The following PATJ variants were observed in gnomAD, a reference collection of about 807,000 sequenced individuals.
PATJ encodes the protein PATJ crumbs cell polarity complex component, also known as inaD-like protein.
PATJ carries 190 observed loss-of-function variants against 224.9 expected under a neutral mutation model. That is an observed-to-expected ratio of 0.84 (90% confidence interval 0.75 to 0.95). The LOEUF is 0.95. Ranked by LOEUF, PATJ falls within the 40% of genes least tolerant of loss-of-function variation. PATJ has a pLI of 0.00. For missense variants in PATJ, 2,121 were observed against 2,270.3 expected, an observed-to-expected ratio of 0.93 and a Z score of 1.34; for synonymous variants, 769 against 820.3, an observed-to-expected ratio of 0.94 and a Z score of 1.07.
chr1:62,108,780 C>G (rs917687291), intron 34 of PATJ, among the ~76,000 whole-genome samples: 22 of 152,198 alleles, frequency 1.4e-4, no homozygotes, highest in African/African-American at 5.3e-4. Flanking sequence ...ATTTTAATAT[C>G]AAATGAGACT....
intron 27 of PATJ, chr1:61,952,295 T>C (rs924573976): frequency 4.1e-5 from 17 of 413,496 alleles, no homozygotes; most frequent in Middle Eastern, 8.1e-4. Context: ...AGGCCCAAGG[T>C]CGTCAGAAGA....
chr1:62,102,820 A>G (rs1047490637), intron 33 of PATJ, among the ~76,000 whole-genome samples: 2 of 143,114 alleles, frequency 1.4e-5, no homozygotes, highest in East Asian at 4.2e-4. Flanking sequence ...AGATCATGCC[A>G]CTGCACTCCA....
At chr1:61,832,983 A>G (rs1231423779) in intron 16 of PATJ, among the ~76,000 whole-genome samples, 1 of 152,154 alleles carries the variant, frequency 6.6e-6, no homozygotes, top group East Asian at 1.9e-4. Flanking sequence ...TTCAGGAGTA[A>G]AATCAAGAAA....
intron 17 of PATJ, among the ~76,000 whole-genome samples, chr1:61,852,311 G>A (rs1171127821): frequency 2.6e-5 from 4 of 152,038 alleles, no homozygotes; most frequent in Non-Finnish European, 5.9e-5. Context: ...GGTCTCTGGT[G>A]CCCTCTATTG....
intron 26 of PATJ, among the ~76,000 whole-genome samples, chr1:61,926,354 A>C (rs1336852335): frequency 1.3e-5 from 2 of 152,208 alleles, no homozygotes; most frequent in African/African-American, 2.4e-5. Flanking sequence ...TATCAGTAGA[A>C]GCTAAATAAA....
At chr1:61,793,074 C>T (rs1056582817) in intron 9 of PATJ, among the ~76,000 whole-genome samples, 1 of 151,634 alleles carries the variant, frequency 6.6e-6, no homozygotes, top group African/African-American at 2.4e-5. Context: ...TTATTATTAT[C>T]ATTTTTTTTC....
chr1:62,010,061 G>GACA (rs1569990954), intron 28 of PATJ, among the ~76,000 whole-genome samples: 3 of 144,578 alleles, frequency 2.1e-5, no homozygotes, highest in East Asian at 4.0e-4. Flanking sequence ...CCAGCCTGGG[G>GACA]GAGTGAGACT....
rs966804539 is a variant in PATJ at position 62,117,204 on chromosome 1, T to C, written c.4876T>C (p.Ser1626Pro). The change falls in exon 37 of 44, where the codon TCA (serine) becomes CCA (proline). Residue 1626 changes from serine (S) to proline (P), a missense_variant. By Grantham distance (74) the Ser-to-Pro change is moderately conservative. Transcript: ENST00000642238. Reference sequence around the variant, plus strand: ...TTCCTGGACCTCCGCAAGGACGACATCACAGAACAGTCAGGTTGTCGATGG... The same window carrying C: ...TTCCTGGACCTCCGCAAGGACGACACCACAGAACAGTCAGGTTGTCGATGG... The part of the protein sequence containing the change: ...AGSWTSARTT[S>P]QNSQGSQQSA... The C allele has an allele frequency of 1.2e-5, 19 of 1,614,010 alleles. No individual in the cohort carries two copies. The highest frequency in any genetic ancestry group is 1.4e-5 in the Non-Finnish European group (17 of 1,179,998).
In PATJ at chr1:62,062,392, C is replaced by CTTTTTTTTTTTTTTTTTTTTTTT. The variant is rs60747316; in HGVS notation, c.4125+11339_4125+11361dup. 7.7e-4 allele frequency among the ~76,000 whole-genome samples: 22 copies of CTTTTTTTTTTTTTTTTTTTTTTT among 28,480 alleles called. 2 individuals carry two copies. Among genetic ancestry groups the CTTTTTTTTTTTTTTTTTTTTTTT allele is most frequent in the Non-Finnish European group, 1.0e-3 (17 of 16,966 alleles). The allele number at this position is 28,480 out of a possible 152,430, so 18.7% of individuals were successfully genotyped here. On this transcript the variant is annotated intron_variant, in intron 31 of 43. Coordinates refer to ENST00000642238, the MANE Select transcript of PATJ (RefSeq NM_001350145.3). The stretch of plus-strand genomic sequence containing the variant: ...TGGTTGGCTGCTTCTATGTTGTCTT[C>CTTTTTTTTTTTTTTTTTTTTTTT]TTTTTTTTTTTTTTTTTTTTTTTTT...
intron 40 of PATJ, 54 bp downstream of exon 40, chr1:62,128,148 A>G: frequency 6.2e-7 from 1 of 1,608,976 alleles, no homozygotes. Context: ...GTGGGAGAGG[A>G]AGTTGCAGCC....
At chr1:61,794,289 G>T (rs984925802) in intron 9 of PATJ, among the ~76,000 whole-genome samples, 2 of 151,698 alleles carry the variant, frequency 1.3e-5, no homozygotes, top group Non-Finnish European at 2.9e-5. Context: ...GGAATTACAG[G>T]CATGCGCCAT....
chr1:62,134,842 A>G (rs935991916), intron 41 of PATJ, among the ~76,000 whole-genome samples: 2 of 152,074 alleles, frequency 1.3e-5, no homozygotes, highest in African/African-American at 2.4e-5. Flanking sequence ...AGCCATTCCA[A>G]TCAAGCTGAA....
chr1:61,759,268 ATCC>A (rs1162796632), intron 1 of PATJ, among the ~76,000 whole-genome samples: 16 of 152,200 alleles, frequency 1.1e-4, no homozygotes, highest in African/African-American at 3.9e-4. Flanking sequence ...GGCCCAAACA[ATCC>A]TCCTCTTCCA....
At position 61,925,057 on chromosome 1, in the gene PATJ, G is replaced by A. The variant is rs1471324490; in HGVS notation, c.3571-2673G>A. Among the ~76,000 whole-genome samples the A allele has an allele frequency of 1.6e-4, 3 of 18,382 alleles. 1 individual carries two copies. The highest frequency in any genetic ancestry group is 2.3e-4 in the Non-Finnish European group (3 of 12,794). The allele number at this position is 18,382 out of a possible 152,430, so 12.1% of individuals were successfully genotyped here. On this transcript the variant is annotated intron_variant, in intron 26 of 43. Coordinates refer to ENST00000642238, the MANE Select transcript of PATJ (RefSeq NM_001350145.3). ...CTACTAAAAATACAAAAAGTTAGCC[G>A]GGCGTAGTGGCGGGCGCCTGTGGTC...
chr1:61,754,622 A>G (rs970640963), intron 1 of PATJ, among the ~76,000 whole-genome samples: 3 of 149,532 alleles, frequency 2.0e-5, no homozygotes, highest in Admixed American at 6.8e-5. Context: ...TGGGCCTTTC[A>G]AAGTCCTGGA....
intron 14 of PATJ, among the ~76,000 whole-genome samples, chr1:61,811,260 T>C (rs1484220247): frequency 1.3e-5 from 2 of 152,108 alleles, no homozygotes; most frequent in Non-Finnish European, 2.9e-5. Flanking sequence ...CGGAGTTTCA[T>C]TTTTATTGCC....
In PATJ at chr1:62,027,540, A is replaced by G. The variant is rs181421083; in HGVS notation, c.3959+9593A>G. Among the ~76,000 whole-genome samples, 167 of 151,936 alleles carry G rather than the reference A, an allele frequency of 1.1e-3. 2 individuals carry two copies. The highest frequency in any genetic ancestry group is 1.9e-4 in the Non-Finnish European group (13 of 68,002). On this transcript the variant is annotated intron_variant, in intron 29 of 43. Transcript: ENST00000642238. Reference sequence around the variant, plus strand: ...ATTTTTAATTTTCTGAGGAACCTCCATACTGTTTTCCATAGTTGCTGTACC... The same window carrying G: ...ATTTTTAATTTTCTGAGGAACCTCCGTACTGTTTTCCATAGTTGCTGTACC...
At chr1:61,750,435 C>CTTTTT (rs3030066) in intron 1 of PATJ, among the ~76,000 whole-genome samples, 1 of 121,258 alleles carries the variant, frequency 8.2e-6, no homozygotes. Context: ...TTTTCTGGAG[C>CTTTTT]TTTTTTTTTT....
rs756701893 is a variant in PATJ, at chr1:61,908,484, T to G, written c.3492+2T>G. 1.3e-6 allele frequency: 2 copies of G among 1,591,502 alleles called. No individual in the cohort carries two copies. Among genetic ancestry groups the G allele is most frequent in the Non-Finnish European group, 1.7e-6 (2 of 1,159,616 alleles). ...CAGAGTTTGTCATCCACTCCACGAGTAAGTTTTAGTTCATATTTTCAAAAA... is the reference window on the plus strand; with the variant it reads ...CAGAGTTTGTCATCCACTCCACGAGGAAGTTTTAGTTCATATTTTCAAAAA... On this transcript the variant is annotated splice_donor_variant, in intron 25 of 43. Coordinates refer to ENST00000642238, the MANE Select transcript of PATJ (RefSeq NM_001350145.3). LOFTEE classifies it high-confidence loss of function.
Sources: allele counts gnomAD v4.1 joint callset (sites outside exome capture counted in the v4.1 genomes callset), GRCh38; gene constraint gnomAD v4.1.1; transcripts MANE v1.5; gene names NCBI Gene and HGNC (gene_info 2026-07-23, HGNC 2026-07-21).